DPY19L4: variants seen among roughly 807,000 people sequenced by gnomAD.
The protein encoded by DPY19L4 is probable C-mannosyltransferase DPY19L4.
A neutral mutation model predicts 102.8 loss-of-function variants in DPY19L4; 97 were observed. That is an observed-to-expected ratio of 0.94 (90% confidence interval 0.80 to 1.12). The LOEUF (loss-of-function observed/expected upper bound fraction) is 1.12. Ranked by LOEUF, DPY19L4 falls within the 50% of genes most tolerant of loss-of-function variation. DPY19L4 has a pLI of 0.00. For synonymous variants in DPY19L4, 252 were observed against 283.1 expected, an observed-to-expected ratio of 0.89 and a Z score of 1.10; for missense variants, 815 against 850.4, an observed-to-expected ratio of 0.96 and a Z score of 0.52.
intron 4 of DPY19L4, 52 bp downstream of exon 4, chr8:94,738,511 CTTTTCT>C: frequency 1.8e-6 from 2 of 1,121,296 alleles, no homozygotes; most frequent in African/African-American, 1.7e-5. Context: ...TTTTTCTTTT[CTTTTCT>C]TTTTTTTTTT....
intron 10 of DPY19L4, 106 bp downstream of exon 10, chr8:94,765,915 A>G: frequency 1.4e-6 from 1 of 701,800 alleles, no homozygotes. Flanking sequence ...GAGTTTGAAC[A>G]GTATAATTTT....
chr8:94,738,496 T>C (rs1324702390), intron 4 of DPY19L4, 37 bp downstream of exon 4: 5 of 1,342,402 alleles, frequency 3.7e-6, no homozygotes, highest in Non-Finnish European at 4.0e-6. Context: ...ATAACAGTAT[T>C]TTCCTTTTTC....
chr8:94,763,169 G>A lies in DPY19L4; in HGVS notation c.870+1335G>A, dbSNP rs112903091. 3.9e-3 allele frequency among the ~76,000 whole-genome samples: 586 copies of A among 150,502 alleles called. 3 individuals are homozygous for A. The highest frequency in any genetic ancestry group is 0.013 in the African/African-American group (550 of 40,962). On this transcript the variant is annotated intron_variant, in intron 8 of 18. Transcript: ENST00000414645. Reference sequence around the variant, plus strand: ...TCACCATGTTAGCCAGGCTGATCTCGAACTCCTGACCTTGTGATCTGCCCG... The same window carrying A: ...TCACCATGTTAGCCAGGCTGATCTCAAACTCCTGACCTTGTGATCTGCCCG...
chr8:94,732,385 T>TAG (rs1810999892), intron 2 of DPY19L4, among the ~76,000 whole-genome samples: 1 of 152,154 alleles, frequency 6.6e-6, no homozygotes, highest in Non-Finnish European at 1.5e-5. Flanking sequence ...ATGTGTCTTA[T>TAG]GTTATTTCAT....
intron 3 of DPY19L4, among the ~76,000 whole-genome samples, chr8:94,737,739 C>T (rs1440051729): frequency 2.0e-5 from 3 of 151,504 alleles, no homozygotes; most frequent in Non-Finnish European, 1.5e-5. Flanking sequence ...GCAGAGATGG[C>T]GCCACTGCAC....
chr8:94,768,375 A>T lies in DPY19L4; in HGVS notation c.1176-20A>T. The stretch of plus-strand genomic sequence containing the variant: ...TTAAAACGTCTATGAATTTAATATC[A>T]TACTTTTTGTCTTCTATAGGAATTT... On this transcript the variant is annotated intron_variant, in intron 11 of 18. Transcript: ENST00000414645. 1.3e-6 allele frequency: 2 copies of T among 1,575,044 alleles called. No homozygotes were observed. The highest frequency in any genetic ancestry group is 1.7e-6 in the Non-Finnish European group (2 of 1,164,318).
chr8:94,720,511 C>G (rs1032742817), intron 1 of DPY19L4, among the ~76,000 whole-genome samples: 1 of 152,114 alleles, frequency 6.6e-6, no homozygotes, highest in East Asian at 1.9e-4. Context: ...TGGGAATGGG[C>G]GAACACGCAG....
intron 1 of DPY19L4, among the ~76,000 whole-genome samples, chr8:94,720,418 A>G (rs73697003): frequency 0.026 from 3,985 of 152,210 alleles, 180 homozygotes; most frequent in African/African-American, 0.091. Context: ...GGATATTGAC[A>G]AACCCAGAGG....
chr8:94,726,206 G>A (rs1240084763), intron 1 of DPY19L4, 125 bp from the exon 2 acceptor site: 2 of 612,218 alleles, frequency 3.3e-6, no homozygotes, highest in African/African-American at 3.8e-5. Context: ...TTATGAAAAG[G>A]TTATCTTTGA....
intron 16 of DPY19L4, among the ~76,000 whole-genome samples, chr8:94,781,739 G>A (rs1813440718): frequency 6.6e-6 from 1 of 152,174 alleles, no homozygotes; most frequent in South Asian, 2.1e-4. Context: ...TGAGAAAGCA[G>A]ATCTCTCTTG....
chr8:94,789,661 A>G (rs1442263229), intron 18 of DPY19L4, 85 bp from the exon 19 acceptor site: 7 of 1,207,904 alleles, frequency 5.8e-6, no homozygotes, highest in Non-Finnish European at 7.9e-6. Flanking sequence ...GTTTTTTCAT[A>G]TAAATATACT....
chr8:94,739,488 A>G lies in DPY19L4; in HGVS notation c.419A>G (p.Tyr140Cys), dbSNP rs773383970. 1 of 1,608,238 alleles carries G rather than the reference A, an allele frequency of 6.2e-7. No individual in the cohort carries two copies. Among genetic ancestry groups the G allele is most frequent in the Non-Finnish European group, 8.5e-7 (1 of 1,178,304 alleles). Residue 140 changes from tyrosine (Y) to cysteine (C), a missense_variant, in exon 5 of 19, where the codon TAT becomes TGT. Tyr to Cys is a radical substitution (Grantham distance 194, BLOSUM62 -2). Transcript: ENST00000414645. The stretch of plus-strand genomic sequence containing the variant: ...AATGCAGTGCAGCAAATGTCTCTGT[A>G]TCCGGAACTTATTGCTAGCATTTTA... ...TINAVQQMSL[Y>C]PELIASILYQ...
Position 94,793,797 on chromosome 8 carries a change from A to T in DPY19L4, c.*3887A>T, listed in dbSNP as rs570884181. ...TTCTGTACATTAATGTCTAAACATTATACTTACTTTTTCATAATAAAGGAA... is the reference window on the plus strand; with the variant it reads ...TTCTGTACATTAATGTCTAAACATTTTACTTACTTTTTCATAATAAAGGAA... On this transcript the variant is annotated 3_prime_UTR_variant, in exon 19 of 19. Coordinates refer to ENST00000414645, the MANE Select transcript of DPY19L4 (RefSeq NM_181787.3). 61 of 152,226 alleles carry T rather than the reference A, an allele frequency of 4.0e-4. No homozygotes were observed. The highest frequency in any genetic ancestry group is 7.3e-4 in the Non-Finnish European group (50 of 68,028). The allele number at this position is 152,226 out of a possible 1,614,324, so 9.4% of individuals were successfully genotyped here. A position where few individuals can be genotyped will look rare whatever the true frequency, so the allele number is the denominator to read the frequency against.
chr8:94,782,447 T>C (rs903986273), intron 16 of DPY19L4, among the ~76,000 whole-genome samples: 1 of 147,458 alleles, frequency 6.8e-6, no homozygotes, highest in African/African-American at 2.7e-5. Context: ...AGTCACATGA[T>C]TAATACTAGC....
chr8:94,781,589 G>A (rs548856943), intron 16 of DPY19L4, among the ~76,000 whole-genome samples: 4 of 152,272 alleles, frequency 2.6e-5, no homozygotes, highest in Admixed American at 2.0e-4. Flanking sequence ...CAGGGAATTG[G>A]AATTGAGAAC....
At chr8:94,759,336 G>GCTGATTGGTGCATATTACAGAGCA (rs1563596622) in intron 7 of DPY19L4, among the ~76,000 whole-genome samples, 76 of 151,912 alleles carry the variant, frequency 5.0e-4, no homozygotes, top group African/African-American at 1.8e-3. Context: ...TTTACAGAGC[G>GCTGATTGGTGCATATTACAGAGCA]CTGATTGGTG....
chr8:94,788,320 T>C (rs980502483), intron 18 of DPY19L4, among the ~76,000 whole-genome samples: 3 of 152,046 alleles, frequency 2.0e-5, no homozygotes, highest in South Asian at 2.1e-4. Flanking sequence ...CCTGTACTTA[T>C]TCAGGTTTCA....
chr8:94,721,488 T>C (rs974968640), intron 1 of DPY19L4, among the ~76,000 whole-genome samples: 29 of 152,218 alleles, frequency 1.9e-4, no homozygotes, highest in African/African-American at 7.0e-4. Flanking sequence ...TGAGAAAGAA[T>C]GTAATTCCAT....
chr8:94,748,932 G>A (rs1298175679), intron 6 of DPY19L4, among the ~76,000 whole-genome samples: 1 of 152,084 alleles, frequency 6.6e-6, no homozygotes, highest in Non-Finnish European at 1.5e-5. Flanking sequence ...CCTAAGACTG[G>A]GAAATTTACA....
Sources: allele counts gnomAD v4.1 joint callset (sites outside exome capture counted in the v4.1 genomes callset), GRCh38; gene constraint gnomAD v4.1.1; transcripts MANE v1.5; gene names NCBI Gene and HGNC (gene_info 2026-07-23, HGNC 2026-07-21).